CSMD1: variants seen among roughly 807,000 people sequenced by gnomAD.
CSMD1 encodes CUB and sushi domain-containing protein 1.
Under a neutral mutation model 417.5 loss-of-function variants are expected in CSMD1, and 213 were observed. The ratio of observed to expected loss-of-function variants is 0.51; its 90% confidence interval spans 0.46 to 0.57. CSMD1 has a LOEUF of 0.57. Among genes scored for constraint, CSMD1 ranks in the 20% least tolerant of loss-of-function variants. CSMD1 has a pLI of 0.00. For missense variants in CSMD1, 6,923 were observed against 4,529.7 expected (o/e 1.53, Z -15.17); for synonymous variants, 2,862 against 1,736.8 (o/e 1.65, Z -16.11).
At chr8:3,748,978 T>G (rs914769313) in intron 6 of CSMD1, among the ~76,000 whole-genome samples, 1 of 152,168 alleles carries the variant, frequency 6.6e-6, no homozygotes, top group South Asian at 2.1e-4. Flanking sequence ...TTACAGAAAA[T>G]CAATGGGAAT....
intron 12 of CSMD1, among the ~76,000 whole-genome samples, chr8:3,433,290 T>C (rs1222063066): frequency 6.6e-6 from 1 of 152,236 alleles, no homozygotes; most frequent in Non-Finnish European, 1.5e-5. Context: ...CTTCTGACCA[T>C]ATAGCTTTAT....
chr8:3,375,284 G>A (rs891249571), intron 18 of CSMD1: 14 of 152,182 alleles, frequency 9.2e-5, no homozygotes, highest in African/African-American at 2.2e-4. Flanking sequence ...CAACTGGTGT[G>A]TTTCAGGTTA....
At position 3,408,165 on chromosome 8, in the gene CSMD1, T is replaced by C; in HGVS notation, c.1805A>G (p.Glu602Gly). Residue 602 changes from glutamate to glycine, a missense_variant, in exon 14 of 70, where the codon GAG becomes GGG. Glu to Gly is a moderately conservative substitution (Grantham distance 98). Coordinates refer to ENST00000635120, the MANE Select transcript of CSMD1 (RefSeq NM_033225.6). ...ACAGTTCATGTTGTTCCCATATTCC[T>C]CTGGATAATTTGGTGACAGAATAAT... ...SGIILSPNYP[E>G]EYGNNMNCVW... The C allele has an allele frequency of 1.2e-6, 2 of 1,613,028 alleles. No individual in the cohort carries two copies. Among genetic ancestry groups the C allele is most frequent in the Non-Finnish European group, 1.7e-6 (2 of 1,179,408 alleles).
intron 3 of CSMD1, among the ~76,000 whole-genome samples, chr8:4,036,956 GGTGTGTGTGTGTGTGTGTGTGTGTGT>G (rs57139782): frequency 2.7e-5 from 4 of 146,032 alleles, no homozygotes; most frequent in South Asian, 2.2e-4. Flanking sequence ...GTGAGTGTGG[GGTGTGTGTGTGTGTGTGTGTGTGTGT>G]GTGTGTGTGT....
In CSMD1 at chr8:4,284,187, G is replaced by A. The variant is rs976340760; in HGVS notation, c.415+135766C>T. Among the ~76,000 whole-genome samples, 13 of 152,216 alleles carry A rather than the reference G, an allele frequency of 8.5e-5. No homozygotes were observed. In the East Asian group the frequency reaches 1.9e-3, roughly 23 times the overall value. Reference sequence around the variant, plus strand: ...GTTCCAGACTAGGCTGGCCAACATGGTGAAACCCTATCTCTACTAAAAATA... The same window carrying A: ...GTTCCAGACTAGGCTGGCCAACATGATGAAACCCTATCTCTACTAAAAATA... On this transcript the variant is annotated intron_variant, in intron 3 of 69. Coordinates refer to ENST00000635120, the MANE Select transcript of CSMD1 (RefSeq NM_033225.6).
chr8:4,829,346 T>C (rs1800008423), intron 1 of CSMD1, among the ~76,000 whole-genome samples: 1 of 152,170 alleles, frequency 6.6e-6, no homozygotes, highest in South Asian at 2.1e-4. Context: ...CTACATTACG[T>C]GTCTATACTG....
At chr8:3,015,763 A>G (rs1443802357) in intron 52 of CSMD1, among the ~76,000 whole-genome samples, 1 of 152,148 alleles carries the variant, frequency 6.6e-6, no homozygotes, top group Admixed American at 6.6e-5. Flanking sequence ...AAGAGCCGTA[A>G]CCATGGAAAC....
intron 49 of CSMD1, among the ~76,000 whole-genome samples, chr8:3,061,717 C>T (rs1230923682): frequency 1.3e-5 from 2 of 152,228 alleles, no homozygotes; most frequent in Admixed American, 1.3e-4. Flanking sequence ...TTCAACATTA[C>T]TGCCTTTATC....
intron 8 of CSMD1, 111 bp downstream of exon 8, chr8:3,616,599 G>A: frequency 1.5e-6 from 1 of 688,978 alleles, no homozygotes; most frequent in Non-Finnish European, 2.5e-6. Flanking sequence ...TAATGATTAA[G>A]AAGTTTTATC....
intron 2 of CSMD1, among the ~76,000 whole-genome samples, chr8:4,566,895 C>CAATGAGAAAAAGTCAATTTAGG (rs1554514092): frequency 2.6e-5 from 4 of 151,306 alleles, no homozygotes; most frequent in Non-Finnish European, 4.4e-5. Context: ...TGTTTTCCAG[C>CAATGAGAAAAAGTCAATTTAGG]AATGAGAAAA....
At chr8:4,728,111 T>C (rs1013190501) in intron 1 of CSMD1, among the ~76,000 whole-genome samples, 1 of 147,066 alleles carries the variant, frequency 6.8e-6, no homozygotes, top group South Asian at 2.1e-4. Context: ...GTATATTTGG[T>C]GTATATATTT....
At chr8:3,047,991 A>G (rs975021655) in intron 50 of CSMD1, among the ~76,000 whole-genome samples, 1 of 152,234 alleles carries the variant, frequency 6.6e-6, no homozygotes, top group African/African-American at 2.4e-5. Context: ...TCATTTTGTC[A>G]ATCTGTGAAG....
In CSMD1 at chr8:3,998,097, G is replaced by A. The variant is rs529835549; in HGVS notation, c.624C>T (p.Cys208=). ...PAPFCRAEGA[C]GGTLRGTSSS... is the part of the protein sequence containing the mutation. ...TGCTGGTCCCGCGTAAGGTTCCTCC[G>A]CAGGCTCCCTCAGCTGCAGGGGCAA... The change falls in exon 5 of 70, where the codon TGC becomes TGT. Residue 208 remains cysteine (C), a synonymous_variant. Coordinates refer to ENST00000635120, the MANE Select transcript of CSMD1 (RefSeq NM_033225.6). 8.9e-6 allele frequency: 14 copies of A among 1,571,604 alleles called. No homozygotes were observed. In the African/African-American group the frequency reaches 1.2e-4, roughly 14 times the overall value.
At chr8:3,978,751 A>G (rs1332364794) in intron 5 of CSMD1, among the ~76,000 whole-genome samples, 2 of 152,172 alleles carry the variant, frequency 1.3e-5, no homozygotes, top group African/African-American at 2.4e-5. Context: ...AGCATACGAC[A>G]TCAGTGCATG....
At chr8:3,970,282 G>C (rs761113368) in intron 5 of CSMD1, among the ~76,000 whole-genome samples, 1 of 152,184 alleles carries the variant, frequency 6.6e-6, no homozygotes, top group African/African-American at 2.4e-5. Flanking sequence ...CGAAGCCTTT[G>C]AAACAGTCTT....
chr8:3,932,882 A>C (rs2554657), intron 5 of CSMD1, among the ~76,000 whole-genome samples: 1 of 150,382 alleles, frequency 6.6e-6, no homozygotes, highest in African/African-American at 2.5e-5. Context: ...AATGTTTTTG[A>C]ATTTTCTATT....
chr8:4,724,164 T>A (rs1027429431), intron 1 of CSMD1, among the ~76,000 whole-genome samples: 4 of 152,112 alleles, frequency 2.6e-5, no homozygotes, highest in Non-Finnish European at 5.9e-5. Context: ...ACATGGATGT[T>A]CCAGAATGCT....
chr8:4,343,677 T>C (rs1800612906), intron 3 of CSMD1, among the ~76,000 whole-genome samples: 2 of 152,162 alleles, frequency 1.3e-5, no homozygotes, highest in South Asian at 2.1e-4. Flanking sequence ...TGTCTGGTGA[T>C]CTGACCTTTG....
chr8:3,288,024 T>C lies in CSMD1; in HGVS notation c.3951-3678A>G, dbSNP rs1244175559. ...GTTTTTAGCATGAAAGGTTGTTGAA[T>C]TTTGTCAAAGGCCTTTTCTGCATCT... On this transcript the variant is annotated intron_variant, in intron 25 of 69. Transcript: ENST00000635120. Among the ~76,000 whole-genome samples, 57 of 147,454 alleles carry C rather than the reference T, an allele frequency of 3.9e-4. 4 individuals carry two copies. The highest frequency in any genetic ancestry group is 3.7e-3 in the Admixed American group (55 of 14,974).
Sources: gnomAD v4.1 joint callset for allele counts (sites outside exome capture counted in the v4.1 genomes callset) on GRCh38, gnomAD v4.1.1 for gene constraint, MANE v1.5 for transcripts, NCBI Gene and HGNC (gene_info 2026-07-23, HGNC 2026-07-21) for gene names.